The following CA12 variants were observed in gnomAD, a reference collection of about 807,000 sequenced individuals.
CA12 encodes the protein carbonic anhydrase 12, also known as carbonate dehydratase XII.
A neutral mutation model predicts 46.8 loss-of-function variants in CA12; 36 were observed. The observed-to-expected ratio is 0.77, with a 90% CI of 0.59 to 1.02. CA12 has a LOEUF of 1.02. CA12 is among the 50% of genes least tolerant of loss of function. The pLI, the probability that CA12 is intolerant of heterozygous loss-of-function variation, is 0.00. For synonymous variants in CA12, 202 were observed against 187.0 expected (o/e 1.08, Z -0.65); for missense variants, 436 against 451.4 (o/e 0.97, Z 0.31).
intron 8 of CA12, among the ~76,000 whole-genome samples, chr15:63,332,863 G>A (rs2038953691): frequency 6.6e-6 from 1 of 152,220 alleles, no homozygotes; most frequent in Non-Finnish European, 1.5e-5. Flanking sequence ...TTGAGCACCA[G>A]GCACCATGCC....
rs529516881 is a variant in CA12 at position 63,368,331 on chromosome 15, C to T, written c.106+7327G>A. 2.6e-5 allele frequency among the ~76,000 whole-genome samples: 4 copies of T among 152,308 alleles called. No homozygotes were observed. The East Asian group carries it at 7.7e-4, about 29-fold the overall frequency. On this transcript the variant is annotated intron_variant, in intron 2 of 10. Coordinates refer to ENST00000178638, the MANE Select transcript of CA12 (RefSeq NM_001218.5). ...GAAGAGACTGGCCATGGTGCCTGCG[C>T]TCCACCGTGGTGCCTGCACCCTTCG...
Position 63,340,471 on chromosome 15 carries a change from T to C in CA12, c.590-26A>G, listed in dbSNP as rs769263050. On this transcript the variant is annotated intron_variant, in intron 6 of 10. Coordinates refer to ENST00000178638, the MANE Select transcript of CA12 (RefSeq NM_001218.5). The surrounding 1 kb of genome is among the most constrained non-coding windows in gnomAD (Gnocchi z 4.4). ...CTAGAGAGACATGTTGCAGAGGTGA[T>C]AGTGTCAGCCTCCCTCCGTAGGGCA... 6.2e-7 allele frequency: 1 copy of C among 1,613,974 alleles called. No individual in the cohort carries two copies. The highest frequency in any genetic ancestry group is 8.5e-7 in the Non-Finnish European group (1 of 1,179,874).
At chr15:63,379,273 G>A (rs881500) in intron 1 of CA12, among the ~76,000 whole-genome samples, 17,348 of 152,148 alleles carry the variant, frequency 0.11, 1,341 homozygotes, top group South Asian at 0.26. Flanking sequence ...GAGAAGCGGC[G>A]TTGTAAGTGA....
chr15:63,351,313 C>A (rs1001675312), intron 2 of CA12, among the ~76,000 whole-genome samples: 12 of 152,232 alleles, frequency 7.9e-5, no homozygotes, highest in Non-Finnish European at 1.8e-4. Flanking sequence ...TTCCCACAGG[C>A]AACCAGCCCC....
intron 2 of CA12, among the ~76,000 whole-genome samples, chr15:63,349,358 C>T (rs577669423): frequency 1.9e-3 from 296 of 152,316 alleles, no homozygotes; most frequent in African/African-American, 5.8e-3. Context: ...GAACCAGCTT[C>T]GGGAATGAGG....
At position 63,342,008 on chromosome 15, in the gene CA12, G is replaced by T; in HGVS notation, c.519C>A (p.Leu173=). The T allele has an allele frequency of 6.2e-7, 1 of 1,611,098 alleles. No homozygotes were observed. Among genetic ancestry groups the T allele is most frequent in the South Asian group, 1.1e-5 (1 of 90,990 alleles). The part of the protein sequence containing the change: ...KSEGLAVLAV[L]IEMGSFNPSY... ...CCTTTTAAATATCTCTTACCTCAATGAGAACAGCCAGGACAGCGAGGCCTT... is the reference window on the plus strand; with the variant it reads ...CCTTTTAAATATCTCTTACCTCAATTAGAACAGCCAGGACAGCGAGGCCTT... Residue 173 remains leucine, a synonymous_variant, in exon 5 of 11, where the codon CTC becomes CTA. Transcript: ENST00000178638.
chr15:63,356,099 T>C (rs534664814), intron 2 of CA12, among the ~76,000 whole-genome samples: 1 of 152,270 alleles, frequency 6.6e-6, no homozygotes, highest in African/African-American at 2.4e-5. Context: ...TAATCTCTTT[T>C]TAAAAATTGT....
At chr15:63,347,128 T>A (rs998255342) in intron 2 of CA12, among the ~76,000 whole-genome samples, 1 of 152,260 alleles carries the variant, frequency 6.6e-6, no homozygotes, top group South Asian at 2.1e-4. Flanking sequence ...GCTGGCATTC[T>A]AGCGGGGAAG....
rs1417280075 is a variant in CA12, at chr15:63,378,754, C to T, written c.85+2882G>A. ...AGAGATATAATAAGCCAGATCATTA[C>T]CTCTTAGCAGGCAGAACAGTTGGAG... On this transcript the variant is annotated intron_variant, in intron 1 of 10. Transcript: ENST00000178638. This position sits in a 1 kb window ranked among gnomAD's most constrained non-coding sequence, Gnocchi z 4.8. The T allele has an allele frequency of 6.6e-6, 1 of 152,188 alleles. No individual in the cohort carries two copies. Among genetic ancestry groups the T allele is most frequent in the Non-Finnish European group, 1.5e-5 (1 of 68,036 alleles). 9.4% of individuals were successfully genotyped at this position (152,188 alleles called of 1,614,324 possible).
rs12440663 is a variant in CA12 at position 63,379,402 on chromosome 15, A to C, written c.85+2234T>G. 7.3e-3 allele frequency among the ~76,000 whole-genome samples: 1,115 copies of C among 152,230 alleles called. 66 individuals are homozygous for C. Among genetic ancestry groups the C allele is most frequent in the Admixed American group, 0.065 (996 of 15,292 alleles). ...CGTGTGTGTGTGTGCACGCGCACGA[A>C]AGTGTGCTTTATTCAGGAATTGCAC... On this transcript the variant is annotated intron_variant, in intron 1 of 10. Coordinates refer to ENST00000178638, the MANE Select transcript of CA12 (RefSeq NM_001218.5).
chr15:63,341,995 C>G lies in CA12; in HGVS notation c.525+7G>C. The G allele has an allele frequency of 2.5e-6, 4 of 1,602,290 alleles. No homozygotes were observed. The highest frequency in any genetic ancestry group is 3.4e-6 in the Non-Finnish European group (4 of 1,169,324). On this transcript the variant is annotated splice_region_variant and intron_variant, in intron 5 of 10. Coordinates refer to ENST00000178638, the MANE Select transcript of CA12 (RefSeq NM_001218.5). This position sits in a 1 kb window ranked among gnomAD's most constrained non-coding sequence, Gnocchi z 5.2. ...TTTCACCTAAGAACCTTTTAAATAT[C>G]TCTTACCTCAATGAGAACAGCCAGG...
At chr15:63,376,557 C>CTTTCTTTCTTTCTTTCTTT (rs754259500) in intron 1 of CA12, among the ~76,000 whole-genome samples, 7 of 104,622 alleles carry the variant, frequency 6.7e-5, no homozygotes, top group East Asian at 5.7e-4. Context: ...CTCTTTCTTT[C>CTTTCTTTCTTTCTTTCTTT]CTTTCTTTCT....
At position 63,340,589 on chromosome 15, in the gene CA12, A is replaced by G; in HGVS notation, c.589+131T>C. On this transcript the variant is annotated intron_variant, in intron 6 of 10. Coordinates refer to ENST00000178638, the MANE Select transcript of CA12 (RefSeq NM_001218.5). The surrounding 1 kb of genome is among the most constrained non-coding windows in gnomAD (Gnocchi z 4.4). ...CCAGGACCTGGTTGCAACATTGTTC[A>G]ACAACCTGCTGCTCTTAACCTGGTG... 4 of 1,399,538 alleles carry G rather than the reference A, an allele frequency of 2.9e-6. No individual in the cohort carries two copies. The highest frequency in any genetic ancestry group is 3.0e-6 in the Non-Finnish European group (3 of 986,254). 86.7% of individuals were successfully genotyped at this position (1,399,538 alleles called of 1,614,324 possible). A position where few individuals can be genotyped will look rare whatever the true frequency, so the allele number is the denominator to read the frequency against.
Position 63,343,350 on chromosome 15 carries a change from T to C in CA12, c.430-1253A>G, listed in dbSNP as rs1278783546. 2.0e-5 allele frequency among the ~76,000 whole-genome samples: 3 copies of C among 148,708 alleles called. No individual in the cohort carries two copies. The Admixed American group carries it at 2.1e-4, about 10-fold the overall frequency. On this transcript the variant is annotated intron_variant, in intron 4 of 10. Coordinates refer to ENST00000178638, the MANE Select transcript of CA12 (RefSeq NM_001218.5). ...AGGCTGGAGTGCAATGGCGTGATCT[T>C]GGCTCACCGCAACCTCCGCCTCCCA...
chr15:63,359,317 C>T (rs1387504997), intron 2 of CA12, among the ~76,000 whole-genome samples: 1 of 152,118 alleles, frequency 6.6e-6, no homozygotes, highest in African/African-American at 2.4e-5. Flanking sequence ...AAGCTCCCCC[C>T]AACCCTCTAT....
chr15:63,365,286 T>C (rs1567053001), intron 2 of CA12, among the ~76,000 whole-genome samples: 1 of 152,252 alleles, frequency 6.6e-6, no homozygotes, highest in Non-Finnish European at 1.5e-5. Flanking sequence ...AAATCTACAC[T>C]ATTTACTCTT....
intron 2 of CA12, among the ~76,000 whole-genome samples, chr15:63,354,063 G>A (rs1234944706): frequency 2.0e-5 from 3 of 152,204 alleles, no homozygotes; most frequent in African/African-American, 7.2e-5. Flanking sequence ...TGGGTAGGCG[G>A]AGAGGCACAG....
intron 2 of CA12, among the ~76,000 whole-genome samples, chr15:63,347,222 A>C (rs897022183): frequency 2.0e-5 from 3 of 152,210 alleles, no homozygotes; most frequent in Non-Finnish European, 2.9e-5. Context: ...CTTGGTGCAA[A>C]AATAATTGCG....
At chr15:63,370,463 A>G (rs1348150740) in intron 2 of CA12, among the ~76,000 whole-genome samples, 2 of 148,494 alleles carry the variant, frequency 1.3e-5, no homozygotes, top group African/African-American at 2.5e-5. Flanking sequence ...AAAAAAGAAA[A>G]AAAGAAAAGA....
Sources: gnomAD v4.1 joint callset for allele counts (sites outside exome capture counted in the v4.1 genomes callset) on GRCh38, gnomAD v4.1.1 for gene constraint, Gnocchi (gnomAD v3.1) non-coding constraint, MANE v1.5 for transcripts, NCBI Gene and HGNC (gene_info 2026-07-23, HGNC 2026-07-21) for gene names.